The following SLC66A1 variants were observed in gnomAD, a reference collection of about 807,000 sequenced individuals.
SLC66A1 encodes lysosomal amino acid transporter 1 homolog.
SLC66A1 carries 23 observed loss-of-function variants against 33.0 expected under a neutral mutation model. The observed-to-expected ratio is 0.70, with a 90% CI of 0.50 to 0.99. The LOEUF (loss-of-function observed/expected upper bound fraction) is 0.99, where lower values mean the gene tolerates loss of function less well. Among genes scored for constraint, SLC66A1 ranks in the 50% least tolerant of loss-of-function variants. The probability of loss-of-function intolerance (pLI) is 0.00; values close to 1 mark genes in which losing one functional copy is unlikely to be tolerated. For missense variants in SLC66A1, 335 were observed against 383.6 expected (o/e 0.87, Z 1.06); for synonymous variants, 164 against 175.5 (o/e 0.93, Z 0.52).
rs535713337 is a variant in SLC66A1 at position 19,328,464 on chromosome 1, G to T, written c.805-108G>T. The T allele has an allele frequency of 4.1e-5, 42 of 1,015,066 alleles. No individual in the cohort carries two copies. In the African/African-American group the frequency reaches 4.9e-4, roughly 12 times the overall value. The allele number at this position is 1,015,066 out of a possible 1,614,324, so 62.9% of individuals were successfully genotyped here. The stretch of plus-strand genomic sequence containing the variant: ...GGCTGGCCCTTCCCACCTGCAGCGT[G>T]GGGGTGGGAGGGAGGGGAGAGGGAG... On this transcript the variant is annotated intron_variant, in intron 7 of 7. Transcript: ENST00000375153. The surrounding 1 kb of genome is among the most constrained non-coding windows in gnomAD (Gnocchi z 4.7).
chr1:19,320,518 A>G (rs2093829505), intron 2 of SLC66A1, among the ~76,000 whole-genome samples: 1 of 143,924 alleles, frequency 6.9e-6, no homozygotes, highest in South Asian at 2.2e-4. Context: ...GGTTCACGCC[A>G]TTCTCCTGCC....
rs1478119649 is a variant in SLC66A1 at position 19,312,531 on chromosome 1, C to T, written c.-437C>T. 6.5e-6 allele frequency: 1 copy of T among 154,790 alleles called. No individual in the cohort carries two copies. Among genetic ancestry groups the T allele is most frequent in the Non-Finnish European group, 1.4e-5 (1 of 69,782 alleles). 9.6% of individuals were successfully genotyped at this position (154,790 alleles called of 1,614,324 possible). ...GGCTCCGGGCCGGGACTGGGTGGCC[C>T]TCGGGAATCCGCAGCCAGTGGCCCC... On this transcript the variant is annotated 5_prime_UTR_variant, in exon 1 of 8. Coordinates refer to ENST00000375153, the MANE Select transcript of SLC66A1 (RefSeq NM_001040125.2).
Position 19,328,788 on chromosome 1 carries a change from A to G in SLC66A1, c.*145A>G. 1 of 866,214 alleles carries G rather than the reference A, an allele frequency of 1.2e-6. No individual in the cohort carries two copies. Among genetic ancestry groups the G allele is most frequent in the Non-Finnish European group, 1.8e-6 (1 of 559,254 alleles). 53.7% of individuals were successfully genotyped at this position (866,214 alleles called of 1,614,324 possible). Reference sequence around the variant, plus strand: ...CCGTGGACCGAACCGTCCCCCCAGGAACACACCTTCAGGTAGACCCCGAAG... The same window carrying G: ...CCGTGGACCGAACCGTCCCCCCAGGGACACACCTTCAGGTAGACCCCGAAG... On this transcript the variant is annotated 3_prime_UTR_variant, in exon 8 of 8. Coordinates refer to ENST00000375153, the MANE Select transcript of SLC66A1 (RefSeq NM_001040125.2). The surrounding 1 kb of genome is among the most constrained non-coding windows in gnomAD (Gnocchi z 4.7).
At chr1:19,312,971 T>C (rs1480685362) in intron 1 of SLC66A1, 82 bp downstream of exon 1, 1 of 152,912 alleles carries the variant, frequency 6.5e-6, no homozygotes, top group African/African-American at 2.4e-5. Flanking sequence ...TCATGTCTAA[T>C]CAACGCTTAC....
chr1:19,327,438 G>T, intron 7 of SLC66A1, 26 bp downstream of exon 7: 1 of 1,569,630 alleles, frequency 6.4e-7, no homozygotes, highest in Non-Finnish European at 8.7e-7. Context: ...TGTGGGGCAG[G>T]TGGCGGGGTG....
chr1:19,331,156 C>T (rs1201568957), downstream of SLC66A1, among the ~76,000 whole-genome samples: 1 of 152,140 alleles, frequency 6.6e-6, no homozygotes, highest in Admixed American at 6.6e-5. Context: ...GGATTACAGG[C>T]GCCTGCCGCC....
chr1:19,327,444 G>T, intron 7 of SLC66A1, 32 bp downstream of exon 7: 1 of 1,569,248 alleles, frequency 6.4e-7, no homozygotes, highest in African/African-American at 1.3e-5. Flanking sequence ...GCAGGTGGCG[G>T]GGTGTGGGCA....
At chr1:19,316,565 A>T (rs1197774934) in intron 1 of SLC66A1, among the ~76,000 whole-genome samples, 2 of 150,098 alleles carry the variant, frequency 1.3e-5, no homozygotes, top group Non-Finnish European at 3.0e-5. Flanking sequence ...TAATTTTTGA[A>T]TTTTTCATGG....
chr1:19,324,160 G>A (rs1245291464), intron 2 of SLC66A1, among the ~76,000 whole-genome samples: 2 of 152,264 alleles, frequency 1.3e-5, no homozygotes, highest in Non-Finnish European at 2.9e-5. Context: ...GCCTGTCTTG[G>A]CTACAGCTGC....
Position 19,324,685 on chromosome 1 carries a change from T to C in SLC66A1, c.217T>C (p.Trp73Arg), listed in dbSNP as rs1467011769. 1 of 1,614,220 alleles carries C rather than the reference T, an allele frequency of 6.2e-7. No individual in the cohort carries two copies. ...TGNMDQALSL[W>R]FLLGWIGGDS... ...CAACATGGACCAGGCGCTGTCCCTG[T>C]GGTTCCTCCTGGGCTGGATTGGCGG... The change falls in exon 3 of 8, where the codon TGG becomes CGG. Residue 73 changes from tryptophan to arginine, a missense_variant. Physicochemically the swap from Trp to Arg is moderately radical, Grantham distance 101. Transcript: ENST00000375153.
rs1162400181 is a variant in SLC66A1 at position 19,326,229 on chromosome 1, CCT to C, written c.383-15_383-14del. 1 of 1,592,324 alleles carries C rather than the reference CCT, an allele frequency of 6.3e-7. No individual in the cohort carries two copies. The highest frequency in any genetic ancestry group is 1.3e-5 in the African/African-American group (1 of 74,856). ...CTCAGCCATCTAACCTCAGCTTCCCCCTGCCTTGTGTGCAGTGTCTGCCCCCA... is the reference window on the plus strand; with the variant it reads ...CTCAGCCATCTAACCTCAGCTTCCCCGCCTTGTGTGCAGTGTCTGCCCCCA... On this transcript the variant is annotated splice_polypyrimidine_tract_variant and intron_variant, in intron 4 of 7. Transcript: ENST00000375153.
chr1:19,324,659 G>A lies in SLC66A1; in HGVS notation c.191G>A (p.Gly64Asp). ...CAGTTCATCAAAGCCTACAAGACGG[G>A]CAACATGGACCAGGCGCTGTCCCTG... Reference protein sequence around the residue: ...FPQFIKAYKTGNMDQALSLWF... With the variant: ...FPQFIKAYKTDNMDQALSLWF... The change falls in exon 3 of 8, where the codon GGC (glycine) becomes GAC (aspartate). Residue 64 changes from glycine (G) to aspartate (D), a missense_variant. Gly to Asp is a moderately conservative substitution (Grantham distance 94, BLOSUM62 -1). Transcript: ENST00000375153. The A allele has an allele frequency of 6.2e-7, 1 of 1,614,168 alleles. No individual in the cohort carries two copies. The highest frequency in any genetic ancestry group is 8.5e-7 in the Non-Finnish European group (1 of 1,180,002).
chr1:19,317,206 C>G (rs1035640628), intron 1 of SLC66A1, among the ~76,000 whole-genome samples: 2 of 152,164 alleles, frequency 1.3e-5, no homozygotes, highest in African/African-American at 4.8e-5. Flanking sequence ...CAGTTCAACA[C>G]ACTGTGTATG....
In SLC66A1 at chr1:19,328,992, C is replaced by T. The variant is rs12062013; in HGVS notation, c.*349C>T. 4,066 of 339,606 alleles carry T rather than the reference C, an allele frequency of 0.012. 158 individuals carry two copies. The highest frequency in any genetic ancestry group is 0.079 in the African/African-American group (3,700 of 46,838). 21.0% of individuals were successfully genotyped at this position (339,606 alleles called of 1,614,324 possible). ...AATAAACAGGCCGGGTACAGTGGCT[C>T]GCACCTGTAATCCTAGCACTTTGGG... On this transcript the variant is annotated 3_prime_UTR_variant, in exon 8 of 8. Coordinates refer to ENST00000375153, the MANE Select transcript of SLC66A1 (RefSeq NM_001040125.2). This position sits in a 1 kb window ranked among gnomAD's most constrained non-coding sequence, Gnocchi z 4.7.
chr1:19,314,053 C>T (rs1386569926), intron 1 of SLC66A1, among the ~76,000 whole-genome samples: 4 of 152,230 alleles, frequency 2.6e-5, no homozygotes, highest in Non-Finnish European at 5.9e-5. Flanking sequence ...CTTCCCATCC[C>T]TGCAGGTGAG....
intron 4 of SLC66A1, among the ~76,000 whole-genome samples, chr1:19,325,802 G>A (rs1369409218): frequency 3.3e-5 from 5 of 152,224 alleles, no homozygotes; most frequent in African/African-American, 9.6e-5. Context: ...ACCACAGGCC[G>A]GTTCCTCTCG....
In SLC66A1 at chr1:19,325,356, C is replaced by T. The variant is rs1569787960; in HGVS notation, c.295-139C>T. 11 of 629,926 alleles carry T rather than the reference C, an allele frequency of 1.7e-5. No individual in the cohort carries two copies. The East Asian group carries it at 2.8e-4, about 16-fold the overall frequency. The allele number at this position is 629,926 out of a possible 1,614,324, so 39.0% of individuals were successfully genotyped here. On this transcript the variant is annotated intron_variant, in intron 3 of 7. Coordinates refer to ENST00000375153, the MANE Select transcript of SLC66A1 (RefSeq NM_001040125.2). ...GGTGGGAACTGGGAGTTCTTCCTTG[C>T]CAGATAAGGAAACAGAAGCTCAGAG... is the stretch of plus-strand genomic sequence containing the variant.
At chr1:19,320,611 T>C (rs2093830738) in intron 2 of SLC66A1, among the ~76,000 whole-genome samples, 1 of 151,202 alleles carries the variant, frequency 6.6e-6, no homozygotes, top group African/African-American at 2.4e-5. Context: ...GAGACGGGGT[T>C]TCACCGTGTT....
At chr1:19,327,783 C>T in intron 7 of SLC66A1, 1 of 392,208 alleles carries the variant, frequency 2.5e-6, no homozygotes, top group South Asian at 2.0e-5. Flanking sequence ...GTTAGAGGGG[C>T]AGCAAAGGCC....
Sources: allele counts gnomAD v4.1 joint callset (sites outside exome capture counted in the v4.1 genomes callset), GRCh38; gene constraint gnomAD v4.1.1; non-coding constraint Gnocchi (gnomAD v3.1); transcripts MANE v1.5; gene names NCBI Gene and HGNC (gene_info 2026-07-23, HGNC 2026-07-21).